ZFHX3: variants seen among roughly 807,000 people sequenced by gnomAD.
ZFHX3 encodes zinc finger homeobox 3.
ZFHX3 carries 42 observed loss-of-function variants against 279.1 expected under a neutral mutation model. The ratio of observed to expected loss-of-function variants is 0.15; its 90% CI spans 0.12 to 0.19. The LOEUF (loss-of-function observed/expected upper bound fraction) is 0.19. Among genes scored for constraint, ZFHX3 ranks in the 10% least tolerant of loss-of-function variants. The probability of loss-of-function intolerance (pLI) is 1.00; values close to 1 mark genes in which losing one functional copy is unlikely to be tolerated. For synonymous variants in ZFHX3, 2,293 were observed against 1,957.8 expected, an observed-to-expected ratio of 1.17 and a Z score of -4.52; for missense variants, 4,981 against 4,754.0, an observed-to-expected ratio of 1.05 and a Z score of -1.40.
At position 72,796,741 on chromosome 16, in the gene ZFHX3, C is replaced by T. The variant is rs1597241261; in HGVS notation, c.5941G>A (p.Glu1981Lys). ...NGKTDQGENLEKLECDSCGKL... is the reference protein window; with the variant it reads ...NGKTDQGENLKKLECDSCGKL... ...CCGCAGGAGTCACACTCGAGCTTTT[C>T]CAGGTTCTCTCCCTGGTCAGTCTTC... Residue 1981 changes from glutamate to lysine, a missense_variant, in exon 9 of 10, where the codon GAA becomes AAA. Glu to Lys is a moderately conservative substitution (Grantham distance 56). Coordinates refer to ENST00000268489, the MANE Select transcript of ZFHX3 (RefSeq NM_006885.4). 6.2e-7 allele frequency: 1 copy of T among 1,613,788 alleles called. No homozygotes were observed. The highest frequency in any genetic ancestry group is 8.5e-7 in the Non-Finnish European group (1 of 1,179,958).
intron 2 of ZFHX3, among the ~76,000 whole-genome samples, chr16:73,505,152 C>T (rs1014020714): frequency 1.3e-5 from 2 of 152,018 alleles, no homozygotes; most frequent in East Asian, 1.9e-4. Flanking sequence ...TACCGGACAG[C>T]GGAAAATATT....
intron 2 of ZFHX3, among the ~76,000 whole-genome samples, chr16:73,602,356 G>T (rs986831540): frequency 5.3e-5 from 8 of 152,082 alleles, no homozygotes; most frequent in Admixed American, 5.2e-4. Flanking sequence ...ACTACAGAAC[G>T]AGCAGCTTCC....
intron 1 of ZFHX3, among the ~76,000 whole-genome samples, chr16:73,806,214 A>T (rs1321645798): frequency 6.6e-6 from 1 of 152,206 alleles, no homozygotes; most frequent in Non-Finnish European, 1.5e-5. Flanking sequence ...CGTGGGGATT[A>T]TTACAATTCA....
At position 73,434,000 on chromosome 16, in the gene ZFHX3, C is replaced by T. The variant is rs79447445; in HGVS notation, c.-1291+22003G>A. On this transcript the variant is annotated intron_variant, in intron 3 of 17. Transcript: ENST00000641206. ...TTGCGTGTCCCTTCTGGGAGGGGGG[C>T]GAGCTGGAAGAGGAGGCGTCCTTTG... Among the ~76,000 whole-genome samples, 2,635 of 152,208 alleles carry T rather than the reference C, an allele frequency of 0.017. 140 individuals carry two copies. The East Asian group carries it at 0.21, about 12-fold the overall frequency.
At chr16:73,489,015 G>A (rs1351970389) in intron 2 of ZFHX3, among the ~76,000 whole-genome samples, 1 of 152,126 alleles carries the variant, frequency 6.6e-6, no homozygotes, top group Non-Finnish European at 1.5e-5. Flanking sequence ...CAGATACATA[G>A]CAAACTCTTA....
chr16:72,785,691 T>TAACC lies in ZFHX3; in HGVS notation c.*1469_*1472dup, dbSNP rs1456057035. The TAACC allele has an allele frequency of 1.3e-5, 2 of 151,622 alleles. No individual in the cohort carries two copies. Among genetic ancestry groups the TAACC allele is most frequent in the African/African-American group, 4.8e-5 (2 of 41,288 alleles). The allele number at this position is 151,622 out of a possible 1,614,324, so 9.4% of individuals were successfully genotyped here. A position where few individuals can be genotyped will look rare whatever the true frequency, so the allele number is the denominator to read the frequency against. On this transcript the variant is annotated 3_prime_UTR_variant, in exon 10 of 10. Transcript: ENST00000268489. ...AACACAAAACCAAAAACCAAATCCC[T>TAACC]AACCAAAAACTTTTTTTAGAAAAGA...
chr16:73,598,766 T>C (rs1044523485), intron 2 of ZFHX3, among the ~76,000 whole-genome samples: 6 of 151,972 alleles, frequency 3.9e-5, no homozygotes, highest in African/African-American at 1.5e-4. Flanking sequence ...CTCTCTTTTT[T>C]GTTTGTTTGT....
chr16:73,330,832 C>G (rs2015787876), intron 3 of ZFHX3, among the ~76,000 whole-genome samples: 1 of 152,152 alleles, frequency 6.6e-6, no homozygotes. Flanking sequence ...CTGGCTTTGT[C>G]CTTTCTGAAA....
intron 1 of ZFHX3, among the ~76,000 whole-genome samples, chr16:73,800,964 G>C (rs931396398): frequency 2.0e-5 from 3 of 152,160 alleles, no homozygotes; most frequent in South Asian, 2.1e-4. Flanking sequence ...TGCCCTGGTA[G>C]TTATAAACGT....
At chr16:73,155,460 C>T (rs964103399) in intron 5 of ZFHX3, among the ~76,000 whole-genome samples, 1 of 152,152 alleles carries the variant, frequency 6.6e-6, no homozygotes, top group African/African-American at 2.4e-5. Flanking sequence ...GGAAGTGGAA[C>T]AGCCAATGGT....
chr16:72,796,272 T>A lies in ZFHX3; in HGVS notation c.6410A>T (p.Asn2137Ile). ...GTTCTGCTGCTGGAGCAGGGTTGGA[T>A]TGAGCTGATGCTGGTAGAGTTGGGC... ...DLAQLYQHQL[N>I]PTLLQQQNKR... The change falls in exon 9 of 10, where the codon AAT (asparagine) becomes ATT (isoleucine). Residue 2137 changes from asparagine to isoleucine, a missense_variant. Asn to Ile is a moderately radical substitution (Grantham distance 149, BLOSUM62 -3). Transcript: ENST00000268489. 2 of 1,614,076 alleles carry A rather than the reference T, an allele frequency of 1.2e-6. No individual in the cohort carries two copies. The highest frequency in any genetic ancestry group is 1.7e-6 in the Non-Finnish European group (2 of 1,180,018).
Position 72,785,670 on chromosome 16 carries a change from C to G in ZFHX3, c.*1494G>C, listed in dbSNP as rs576854538. The G allele has an allele frequency of 1.3e-5, 2 of 150,742 alleles. No homozygotes were observed. The highest frequency in any genetic ancestry group is 4.9e-5 in the African/African-American group (2 of 40,980). 9.3% of individuals were successfully genotyped at this position (150,742 alleles called of 1,614,324 possible). ...TGAGAGAGGAAAGAAAAAACAAACA[C>G]AAAACCAAAAACCAAATCCCTAACC... On this transcript the variant is annotated 3_prime_UTR_variant, in exon 10 of 10. Coordinates refer to ENST00000268489, the MANE Select transcript of ZFHX3 (RefSeq NM_006885.4).
intron 3 of ZFHX3, among the ~76,000 whole-genome samples, chr16:72,945,573 T>C (rs947076897): frequency 2.6e-5 from 4 of 152,150 alleles, no homozygotes; most frequent in Non-Finnish European, 5.9e-5. Context: ...GCACACCTTC[T>C]AAATCACCTG....
chr16:73,195,135 T>C (rs2144892646), intron 5 of ZFHX3, among the ~76,000 whole-genome samples: 1 of 152,300 alleles, frequency 6.6e-6, no homozygotes, highest in Admixed American at 6.5e-5. Context: ...TCTTGATTTA[T>C]TTCTCTACTT....
chr16:73,300,605 G>C (rs2015031034), intron 4 of ZFHX3, among the ~76,000 whole-genome samples: 1 of 152,304 alleles, frequency 6.6e-6, no homozygotes, highest in Middle Eastern at 3.4e-3. Context: ...CCAGGTTCAG[G>C]TGATGCTCAT....
At chr16:72,809,223 T>C (rs971172751) in intron 7 of ZFHX3, 3 of 152,262 alleles carry the variant, frequency 2.0e-5, no homozygotes, top group Admixed American at 6.5e-5. Flanking sequence ...TGTAGATTAC[T>C]ATAGGCCCAC....
chr16:72,875,111 T>C (rs749184340), intron 4 of ZFHX3, among the ~76,000 whole-genome samples: 8 of 152,222 alleles, frequency 5.3e-5, no homozygotes, highest in African/African-American at 1.9e-4. Flanking sequence ...TTAGTGCTCA[T>C]ACAACTCTAG....
chr16:73,725,205 A>G (rs1438378726), intron 1 of ZFHX3, among the ~76,000 whole-genome samples: 1 of 152,242 alleles, frequency 6.6e-6, no homozygotes, highest in African/African-American at 2.4e-5. Context: ...TTGAAGAACA[A>G]ATTTAAAGAT....
chr16:73,607,868 G>A (rs945451098), intron 2 of ZFHX3, among the ~76,000 whole-genome samples: 3 of 152,086 alleles, frequency 2.0e-5, no homozygotes, highest in African/African-American at 2.4e-5. Context: ...CCAGGAGTTC[G>A]AGACCAGCCT....
Sources: gnomAD v4.1 joint callset for allele counts (sites outside exome capture counted in the v4.1 genomes callset) on GRCh38, gnomAD v4.1.1 for gene constraint, MANE v1.5 for transcripts, NCBI Gene and HGNC (gene_info 2026-07-23, HGNC 2026-07-21) for gene names.